The following KCNT2 variants were observed in gnomAD, a reference collection of about 807,000 sequenced individuals.
The protein encoded by KCNT2 is potassium channel subfamily T member 2.
In KCNT2, 67 loss-of-function variants were observed where a neutral mutation model predicts 153.8. That is an observed-to-expected ratio of 0.44 (90% confidence interval 0.36 to 0.53). KCNT2 has a LOEUF of 0.53. KCNT2 is among the 20% of genes least tolerant of loss of function. The pLI, the probability that KCNT2 is intolerant of heterozygous loss-of-function variation, is 0.00. For missense variants in KCNT2, 975 were observed against 1,354.8 expected, an observed-to-expected ratio of 0.72 and a Z score of 4.40; for synonymous variants, 500 against 458.8, an observed-to-expected ratio of 1.09 and a Z score of -1.15.
chr1:196,477,894 A>C (rs1678677728), intron 5 of KCNT2, among the ~76,000 whole-genome samples: 1 of 152,210 alleles, frequency 6.6e-6, no homozygotes, highest in Admixed American at 6.5e-5. Flanking sequence ...CTTAATAGTG[A>C]AAATGACTGT....
chr1:196,490,355 A>G (rs1006982087), intron 2 of KCNT2, among the ~76,000 whole-genome samples: 1 of 151,254 alleles, frequency 6.6e-6, no homozygotes, highest in Non-Finnish European at 1.5e-5. Context: ...TTATACCTTC[A>G]CAGAATCTTG....
At chr1:196,315,490 A>G (rs1341492811) in intron 21 of KCNT2, among the ~76,000 whole-genome samples, 8 of 151,678 alleles carry the variant, frequency 5.3e-5, no homozygotes, top group African/African-American at 1.9e-4. Flanking sequence ...TGGGTAACTT[A>G]CCTGTTCACA....
intron 1 of KCNT2, among the ~76,000 whole-genome samples, chr1:196,531,124 C>T (rs1373961728): frequency 6.6e-6 from 1 of 152,084 alleles, no homozygotes; most frequent in South Asian, 2.1e-4. Flanking sequence ...GCTGAGAAGT[C>T]TATGGGGAGT....
intron 22 of KCNT2, among the ~76,000 whole-genome samples, chr1:196,294,832 TA>T (rs925407001): frequency 1.4e-4 from 21 of 150,214 alleles, no homozygotes; most frequent in East Asian, 2.0e-4. Flanking sequence ...CTATTTTGCC[TA>T]AAAAAAAATT....
intron 1 of KCNT2, among the ~76,000 whole-genome samples, chr1:196,587,905 A>G (rs1053033988): frequency 1.1e-4 from 16 of 152,062 alleles, no homozygotes; most frequent in African/African-American, 3.9e-4. Flanking sequence ...ACTGCTCCCA[A>G]ATATCTAATT....
At chr1:196,262,854 C>T (rs1033907650) in intron 25 of KCNT2, among the ~76,000 whole-genome samples, 1 of 151,882 alleles carries the variant, frequency 6.6e-6, no homozygotes, top group Non-Finnish European at 1.5e-5. Context: ...TGTTTTCAAC[C>T]ACCTCAGGAA....
chr1:196,447,149 T>C (rs914152224), intron 8 of KCNT2, among the ~76,000 whole-genome samples: 1 of 151,532 alleles, frequency 6.6e-6, no homozygotes, highest in Admixed American at 6.6e-5. Flanking sequence ...AAATGTATGA[T>C]AAAAACTCAG....
chr1:196,324,468 A>G (rs1263193564), intron 19 of KCNT2, among the ~76,000 whole-genome samples: 1 of 151,966 alleles, frequency 6.6e-6, no homozygotes, highest in Non-Finnish European at 1.5e-5. Context: ...TAGCCACCTC[A>G]CACAGCTTTC....
intron 25 of KCNT2, among the ~76,000 whole-genome samples, chr1:196,269,973 C>T (rs1271828266): frequency 2.6e-5 from 4 of 151,952 alleles, no homozygotes; most frequent in Non-Finnish European, 5.9e-5. Flanking sequence ...TCATGTTTCT[C>T]CATCATATGA....
chr1:196,489,496 T>C (rs1336145120), intron 3 of KCNT2, among the ~76,000 whole-genome samples: 1 of 152,040 alleles, frequency 6.6e-6, no homozygotes, highest in Non-Finnish European at 1.5e-5. Flanking sequence ...CTTCATATTA[T>C]CTTTTGGGAG....
At chr1:196,297,820 A>G (rs185619135) in intron 22 of KCNT2, among the ~76,000 whole-genome samples, 5 of 152,304 alleles carry the variant, frequency 3.3e-5, no homozygotes, top group Admixed American at 3.3e-4. Flanking sequence ...GACAGAAAAA[A>G]TTAGTAGGAC....
At chr1:196,244,177 A>G (rs1655215399) in intron 26 of KCNT2, among the ~76,000 whole-genome samples, 1 of 152,132 alleles carries the variant, frequency 6.6e-6, no homozygotes, top group South Asian at 2.1e-4. Context: ...TGGGCCCTGA[A>G]TAATCAGCTG....
In KCNT2 at chr1:196,551,557, G is replaced by T. The variant is rs577877268; in HGVS notation, c.95+56658C>A. Among the ~76,000 whole-genome samples the T allele has an allele frequency of 2.0e-5, 3 of 151,756 alleles. No individual in the cohort carries two copies. The South Asian group carries it at 6.2e-4, about 31-fold the overall frequency. On this transcript the variant is annotated intron_variant, in intron 1 of 27. Coordinates refer to ENST00000294725, the MANE Select transcript of KCNT2 (RefSeq NM_198503.5). ...TACAATCAAAATGTGAATATCCTTA[G>T]ATGCTACTTTCTTCTATTCCTTAGA...
At position 196,411,801 on chromosome 1, in the gene KCNT2, G is replaced by A. The variant is rs543010190; in HGVS notation, c.1185+11249C>T. ...GTTCTCCCTTATCCACAGGGGTGGG[G>A]GATATATTCCAAGACCTTCAGTGGA... On this transcript the variant is annotated intron_variant, in intron 12 of 27. Transcript: ENST00000294725. Among the ~76,000 whole-genome samples, 306 of 151,780 alleles carry A rather than the reference G, an allele frequency of 2.0e-3. 1 individual carries two copies. Among genetic ancestry groups the A allele is most frequent in the Non-Finnish European group, 3.6e-3 (242 of 67,806 alleles).
At chr1:196,334,576 G>A (rs1455867805) in intron 16 of KCNT2, among the ~76,000 whole-genome samples, 1 of 144,604 alleles carries the variant, frequency 6.9e-6, no homozygotes, top group Non-Finnish European at 1.5e-5. Context: ...CCAGGTTCAA[G>A]CGCCCCCTTT....
At chr1:196,269,306 T>G (rs1411548847) in intron 25 of KCNT2, among the ~76,000 whole-genome samples, 3 of 152,160 alleles carry the variant, frequency 2.0e-5, no homozygotes, top group Non-Finnish European at 4.4e-5. Context: ...ATTTATTTGG[T>G]ATGGACTATA....
chr1:196,433,679 C>CTCAA (rs1317878789), intron 8 of KCNT2, among the ~76,000 whole-genome samples: 1 of 152,064 alleles, frequency 6.6e-6, no homozygotes, highest in African/African-American at 2.4e-5. Context: ...AAGCACATGG[C>CTCAA]TCAATTATGA....
At chr1:196,304,610 G>T (rs1661463689) in intron 22 of KCNT2, among the ~76,000 whole-genome samples, 1 of 152,016 alleles carries the variant, frequency 6.6e-6, no homozygotes, top group Non-Finnish European at 1.5e-5. Flanking sequence ...AGTAAAAGCT[G>T]AGTGCAAAAA....
chr1:196,362,345 G>A (rs1667703273), intron 14 of KCNT2, among the ~76,000 whole-genome samples: 1 of 152,042 alleles, frequency 6.6e-6, no homozygotes, highest in Admixed American at 6.6e-5. Context: ...GATGATAAAT[G>A]ACAATGGATT....
Sources: gnomAD v4.1 joint callset for allele counts (sites outside exome capture counted in the v4.1 genomes callset) on GRCh38, gnomAD v4.1.1 for gene constraint, MANE v1.5 for transcripts, NCBI Gene and HGNC (gene_info 2026-07-23, HGNC 2026-07-21) for gene names.